The following ELF2 variants were observed in gnomAD, a reference collection of about 807,000 sequenced individuals.
ELF2 encodes the protein E74 like ETS transcription factor 2.
In ELF2, 11 loss-of-function variants were observed where a neutral mutation model predicts 54.8. The observed-to-expected ratio is 0.20, with a 90% CI of 0.13 to 0.33. The LOEUF (loss-of-function observed/expected upper bound fraction) is 0.33. ELF2 is among the 10% of genes least tolerant of loss of function. The probability of loss-of-function intolerance (pLI) is 1.00; values close to 1 mark genes in which losing one functional copy is unlikely to be tolerated. For synonymous variants in ELF2, 203 were observed against 245.1 expected, an observed-to-expected ratio of 0.83 and a Z score of 1.61; for missense variants, 513 against 703.0, an observed-to-expected ratio of 0.73 and a Z score of 3.06.
intron 4 of ELF2, among the ~76,000 whole-genome samples, chr4:139,074,543 C>G (rs1282730214): frequency 6.6e-6 from 1 of 151,736 alleles, no homozygotes; most frequent in Non-Finnish European, 1.5e-5. Flanking sequence ...GTGCGGATCA[C>G]GAGGTCAAGA....
At chr4:139,063,962 T>C (rs914298114) in intron 7 of ELF2, among the ~76,000 whole-genome samples, 1 of 152,196 alleles carries the variant, frequency 6.6e-6, no homozygotes, top group Non-Finnish European at 1.5e-5. Flanking sequence ...GCTTTTCAGA[T>C]TGTTTTTATT....
At chr4:139,159,243 GAGT>G (rs968506404) in intron 1 of ELF2, among the ~76,000 whole-genome samples, 2 of 152,152 alleles carry the variant, frequency 1.3e-5, no homozygotes, top group African/African-American at 4.8e-5. Context: ...AATTCCTGAG[GAGT>G]AGTAGAATAG....
intron 7 of ELF2, among the ~76,000 whole-genome samples, chr4:139,063,879 A>C (rs1344227996): frequency 6.6e-6 from 1 of 152,178 alleles, no homozygotes; most frequent in Non-Finnish European, 1.5e-5. Context: ...TTAATCCCAA[A>C]AGGAAGAAAG....
intron 1 of ELF2, among the ~76,000 whole-genome samples, chr4:139,173,487 A>C (rs1275766932): frequency 6.6e-6 from 1 of 152,148 alleles, no homozygotes; most frequent in South Asian, 2.1e-4. Context: ...GGGTGGGTGC[A>C]GTGGCTCACA....
intron 1 of ELF2, among the ~76,000 whole-genome samples, chr4:139,165,640 G>A (rs1055957699): frequency 6.6e-6 from 1 of 152,114 alleles, no homozygotes; most frequent in Non-Finnish European, 1.5e-5. Context: ...TCCAGCCTGG[G>A]CAACAGAGCA....
At chr4:139,099,408 A>C (rs1165626735) in intron 4 of ELF2, among the ~76,000 whole-genome samples, 1 of 152,216 alleles carries the variant, frequency 6.6e-6, no homozygotes. Context: ...ACAGTCTCTG[A>C]CTTTATGGAG....
intron 6 of ELF2, among the ~76,000 whole-genome samples, chr4:139,071,513 G>A (rs766874672): frequency 7.9e-5 from 12 of 151,372 alleles, no homozygotes; most frequent in Non-Finnish European, 1.3e-4. Context: ...AATGTTGTGC[G>A]TGTGTGTGTG....
At chr4:139,152,015 T>C (rs1740050124) in intron 1 of ELF2, among the ~76,000 whole-genome samples, 1 of 152,180 alleles carries the variant, frequency 6.6e-6, no homozygotes, top group Admixed American at 6.5e-5. Flanking sequence ...TGACTCTATT[T>C]ATATGACATT....
At chr4:139,110,915 GAAGGA>G (rs1205971207) in intron 4 of ELF2, among the ~76,000 whole-genome samples, 1 of 152,134 alleles carries the variant, frequency 6.6e-6, no homozygotes, top group African/African-American at 2.4e-5. Flanking sequence ...TCTTAAGGAA[GAAGGA>G]AAGGGGAAAA....
At chr4:139,090,534 G>A (rs1732457264) in intron 4 of ELF2, among the ~76,000 whole-genome samples, 1 of 152,142 alleles carries the variant, frequency 6.6e-6, no homozygotes. Context: ...TCTATAGAAT[G>A]TTAATATATT....
intron 7 of ELF2, among the ~76,000 whole-genome samples, chr4:139,065,344 G>A (rs767911980): frequency 2.8e-4 from 42 of 152,090 alleles, no homozygotes; most frequent in Non-Finnish European, 5.0e-4. Context: ...AGACACGGTG[G>A]TATGTGCCTG....
intron 1 of ELF2, among the ~76,000 whole-genome samples, chr4:139,164,178 AAGAG>A (rs1382362184): frequency 6.9e-6 from 1 of 145,098 alleles, no homozygotes; most frequent in Non-Finnish European, 1.5e-5. Context: ...GAAAGAAAGA[AAGAG>A]AGGGAGATGA....
At chr4:139,117,072 G>T (rs923417879) in intron 4 of ELF2, among the ~76,000 whole-genome samples, 1 of 152,084 alleles carries the variant, frequency 6.6e-6, no homozygotes, top group African/African-American at 2.4e-5. Context: ...CACTAAAAAT[G>T]GTTTAAGTTT....
chr4:139,144,877 C>G (rs1396038623), intron 1 of ELF2, among the ~76,000 whole-genome samples: 1 of 152,196 alleles, frequency 6.6e-6, no homozygotes, highest in Admixed American at 6.5e-5. Context: ...CCTGACCAAG[C>G]CCCCCACCTG....
chr4:139,171,473 C>CA lies in ELF2; in HGVS notation c.-252+5493dup, dbSNP rs569141681. Among the ~76,000 whole-genome samples the CA allele has an allele frequency of 3.2e-3, 484 of 149,254 alleles. 1 individual carries two copies. Among genetic ancestry groups the CA allele is most frequent in the African/African-American group, 0.012 (469 of 40,732 alleles). Reference sequence around the variant, plus strand: ...GTCATCGCCAAGGTCTGCTTTTTCACAAAAAAAAATTGCAACTTCGGGCAT... The same window carrying CA: ...GTCATCGCCAAGGTCTGCTTTTTCACAAAAAAAAAATTGCAACTTCGGGCAT... On this transcript the variant is annotated intron_variant, in intron 1 of 9. Transcript: ENST00000686138.
chr4:139,059,225 T>C lies in ELF2; in HGVS notation c.1540A>G (p.Thr514Ala). Residue 514 changes from threonine to alanine, a missense_variant, in exon 10 of 10, where the codon ACT becomes GCT. Thr to Ala is a moderately conservative substitution (Grantham distance 58). Coordinates refer to ENST00000686138, the MANE Select transcript of ELF2 (RefSeq NM_001331036.3). ...GGAGTCTGGCCAGATGCCTGCTGAG[T>C]AGGCATTGATAGTCTCATTACAGGT... ...GTPVMRLSMP[T>A]QQASGQTPPR... is the part of the protein sequence containing the mutation. 1 of 1,613,918 alleles carries C rather than the reference T, an allele frequency of 6.2e-7. No homozygotes were observed. The highest frequency in any genetic ancestry group is 8.5e-7 in the Non-Finnish European group (1 of 1,179,866).
rs934535653 is a variant in ELF2, at chr4:139,058,352, A to C, written c.*631T>G. 62 of 150,496 alleles carry C rather than the reference A, an allele frequency of 4.1e-4. No homozygotes were observed. The highest frequency in any genetic ancestry group is 7.3e-4 in the Admixed American group (11 of 15,106). 9.3% of individuals were successfully genotyped at this position (150,496 alleles called of 1,614,324 possible). ...ATTTCAAGAAAGAAAATCGAAAATT[A>C]GTCTAAGGCCTTTGTTTTAAATCAG... On this transcript the variant is annotated 3_prime_UTR_variant, in exon 10 of 10. Coordinates refer to ENST00000686138, the MANE Select transcript of ELF2 (RefSeq NM_001331036.3).
intron 3 of ELF2, among the ~76,000 whole-genome samples, chr4:139,132,116 G>A (rs1477342662): frequency 6.6e-6 from 1 of 152,218 alleles, no homozygotes; most frequent in African/African-American, 2.4e-5. Context: ...GTATGTCTGA[G>A]TTTATTGTTT....
chr4:139,151,024 A>AG lies in ELF2; in HGVS notation c.-251-11528_-251-11527insC, dbSNP rs1491094238. 1.0e-3 allele frequency among the ~76,000 whole-genome samples: 88 copies of AG among 88,034 alleles called. 2 individuals carry two copies. The highest frequency in any genetic ancestry group is 4.1e-3 in the African/African-American group (79 of 19,282). 57.8% of individuals were successfully genotyped at this position (88,034 alleles called of 152,430 possible). ...AGGTGACGGAACGAGGCTCCATCTC[A>AG]AAAAAAAAAAAGAAAGAAAGAAAGA... On this transcript the variant is annotated intron_variant, in intron 1 of 9. Transcript: ENST00000686138.
Sources: allele counts gnomAD v4.1 joint callset (sites outside exome capture counted in the v4.1 genomes callset), GRCh38; gene constraint gnomAD v4.1.1; transcripts MANE v1.5; gene names NCBI Gene and HGNC (gene_info 2026-07-23, HGNC 2026-07-21).